The following C8orf34 variants were observed in gnomAD, a reference collection of about 807,000 sequenced individuals.
The protein encoded by C8orf34 is chromosome 8 open reading frame 34.
A neutral mutation model predicts 68.3 loss-of-function variants in C8orf34; 65 were observed. The observed-to-expected ratio is 0.95, with a 90% confidence interval of 0.78 to 1.17. The LOEUF is 1.17. Among genes scored for constraint, C8orf34 ranks in the 50% most tolerant of loss-of-function variants. The pLI, the probability that C8orf34 is intolerant of heterozygous loss-of-function variation, is 0.00. For missense variants in C8orf34, 664 were observed against 655.4 expected, an observed-to-expected ratio of 1.01 and a Z score of -0.14; for synonymous variants, 244 against 241.2, an observed-to-expected ratio of 1.01 and a Z score of -0.11.
intron 8 of C8orf34, among the ~76,000 whole-genome samples, chr8:68,705,806 G>GA (rs1462401817): frequency 1.3e-5 from 2 of 152,026 alleles, no homozygotes; most frequent in Non-Finnish European, 2.9e-5. Flanking sequence ...AAAAAAAACA[G>GA]AAAAAATACT....
intron 12 of C8orf34, among the ~76,000 whole-genome samples, chr8:68,790,582 G>A (rs73683726): frequency 2.9e-4 from 44 of 152,156 alleles, no homozygotes; most frequent in African/African-American, 1.0e-3. Flanking sequence ...AATTAAATAG[G>A]GAGCTTTATA....
At chr8:68,727,543 A>C (rs1039898725) in intron 10 of C8orf34, among the ~76,000 whole-genome samples, 3 of 152,134 alleles carry the variant, frequency 2.0e-5, no homozygotes, top group Non-Finnish European at 4.4e-5. Flanking sequence ...CCACCCCTAC[A>C]TTTCCCTTCT....
chr8:68,660,854 C>T (rs149666666), intron 8 of C8orf34, among the ~76,000 whole-genome samples: 11 of 152,042 alleles, frequency 7.2e-5, no homozygotes, highest in African/African-American at 2.2e-4. Context: ...AGAAAAATTC[C>T]CTGTATTCAC....
chr8:68,678,684 C>G (rs1339133469), intron 8 of C8orf34, among the ~76,000 whole-genome samples: 1 of 152,084 alleles, frequency 6.6e-6, no homozygotes. Flanking sequence ...ATCTGGAACA[C>G]AGCAAGGATG....
intron 1 of C8orf34, among the ~76,000 whole-genome samples, chr8:68,333,898 A>G (rs913250894): frequency 1.3e-5 from 2 of 152,206 alleles, no homozygotes; most frequent in Admixed American, 6.5e-5. Context: ...TTTGGAAAAT[A>G]TGCGGTATCT....
At chr8:68,562,800 G>A (rs969830329) in intron 7 of C8orf34, among the ~76,000 whole-genome samples, 1 of 152,158 alleles carries the variant, frequency 6.6e-6, no homozygotes, top group Non-Finnish European at 1.5e-5. Context: ...TAAGTGGTAC[G>A]ACTTGTTCTT....
chr8:68,395,552 A>T (rs1237976492), intron 1 of C8orf34, among the ~76,000 whole-genome samples: 1 of 152,176 alleles, frequency 6.6e-6, no homozygotes, highest in African/African-American at 2.4e-5. Context: ...CTGCCTCACC[A>T]TGTCAAATAA....
At chr8:68,535,920 G>T (rs1430065329) in intron 7 of C8orf34, 3 of 947,780 alleles carry the variant, frequency 3.2e-6, no homozygotes, top group Non-Finnish European at 3.8e-6. Context: ...GTCATCTCAT[G>T]CTCAAATATA....
chr8:68,523,181 A>G (rs1055890761), intron 6 of C8orf34, among the ~76,000 whole-genome samples: 1 of 152,234 alleles, frequency 6.6e-6, no homozygotes, highest in African/African-American at 2.4e-5. Context: ...GTGAAATGCC[A>G]GATCAATTTC....
intron 1 of C8orf34, among the ~76,000 whole-genome samples, chr8:68,346,221 C>T (rs1013429882): frequency 2.0e-5 from 3 of 151,540 alleles, no homozygotes; most frequent in Non-Finnish European, 2.9e-5. Flanking sequence ...TTCTGAGAAT[C>T]CCAAATCTCT....
intron 7 of C8orf34, among the ~76,000 whole-genome samples, chr8:68,543,041 C>A (rs1586350321): frequency 6.6e-6 from 1 of 151,966 alleles, no homozygotes; most frequent in Non-Finnish European, 1.5e-5. Context: ...CAAAGAAAAC[C>A]AAGTGAGAAA....
At chr8:68,426,986 G>T (rs79996968) in intron 1 of C8orf34, among the ~76,000 whole-genome samples, 1 of 151,992 alleles carries the variant, frequency 6.6e-6, no homozygotes, top group East Asian at 1.9e-4. Context: ...CACATCAGGG[G>T]GCATTCAATA....
chr8:68,497,832 G>C (rs1031502593), intron 5 of C8orf34, among the ~76,000 whole-genome samples: 1 of 151,748 alleles, frequency 6.6e-6, no homozygotes, highest in African/African-American at 2.4e-5. Context: ...TTCTATTTTT[G>C]GGGGGAGATG....
At chr8:68,575,476 G>A (rs1325254797) in intron 7 of C8orf34, among the ~76,000 whole-genome samples, 1 of 152,024 alleles carries the variant, frequency 6.6e-6, no homozygotes, top group Non-Finnish European at 1.5e-5. Context: ...TTTCAAACCC[G>A]TATGTGCTAC....
At chr8:68,696,948 A>G (rs1295488513) in intron 8 of C8orf34, among the ~76,000 whole-genome samples, 1 of 151,970 alleles carries the variant, frequency 6.6e-6, no homozygotes. Context: ...GCTAAACTTT[A>G]CTTTGCATTG....
intron 7 of C8orf34, among the ~76,000 whole-genome samples, chr8:68,627,520 C>A (rs1361677897): frequency 6.6e-6 from 1 of 152,150 alleles, no homozygotes; most frequent in Non-Finnish European, 1.5e-5. Flanking sequence ...GTCTGTCAAA[C>A]CTTCACAGGG....
intron 7 of C8orf34, among the ~76,000 whole-genome samples, chr8:68,547,721 A>G (rs1815931549): frequency 6.6e-6 from 1 of 151,786 alleles, no homozygotes; most frequent in South Asian, 2.1e-4. Flanking sequence ...GTTTATATGG[A>G]AATAATGACC....
intron 3 of C8orf34, among the ~76,000 whole-genome samples, chr8:68,453,995 AT>A (rs1406939706): frequency 2.6e-5 from 4 of 151,796 alleles, no homozygotes; most frequent in Non-Finnish European, 4.4e-5. Context: ...AGTGTGTCGC[AT>A]TTTTTTCCAG....
intron 3 of C8orf34, among the ~76,000 whole-genome samples, chr8:68,466,765 A>ATATATATATATATATATAT: frequency 8.1e-6 from 1 of 123,360 alleles, no homozygotes; most frequent in African/African-American, 3.1e-5. Context: ...ATATATATAT[A>ATATATATATATATATATAT]GATGCTTTCA....
Sources: allele counts gnomAD v4.1 joint callset (sites outside exome capture counted in the v4.1 genomes callset), GRCh38; gene constraint gnomAD v4.1.1; transcripts MANE v1.5; gene names NCBI Gene and HGNC (gene_info 2026-07-23, HGNC 2026-07-21).